SH2D4B: variants seen among roughly 807,000 people sequenced by gnomAD.
The protein encoded by SH2D4B is SH2 domain-containing protein 4B.
SH2D4B carries 45 observed loss-of-function variants against 61.5 expected under a neutral mutation model. The ratio of observed to expected loss-of-function variants is 0.73; its 90% CI spans 0.58 to 0.94. The LOEUF is 0.94. SH2D4B is among the 40% of genes least tolerant of loss of function. The pLI is 0.00. For synonymous variants in SH2D4B, 224 were observed against 220.4 expected (o/e 1.02, Z -0.14); for missense variants, 572 against 574.2 (o/e 1.00, Z 0.04).
intron 3 of SH2D4B, among the ~76,000 whole-genome samples, chr10:80,579,767 G>A (rs1003713289): frequency 7.9e-5 from 12 of 151,688 alleles, no homozygotes; most frequent in African/African-American, 2.9e-4. Flanking sequence ...CTTTAGAAAC[G>A]ATTACTGCTT....
At chr10:80,628,922 C>T (rs373822569) in intron 6 of SH2D4B, among the ~76,000 whole-genome samples, 5 of 151,598 alleles carry the variant, frequency 3.3e-5, no homozygotes, top group Admixed American at 2.0e-4. Flanking sequence ...CCCAGCTACT[C>T]AGGAGCCTGA....
At chr10:80,588,559 G>A in intron 3 of SH2D4B, 71 bp from the exon 4 acceptor site, 3 of 1,581,294 alleles carry the variant, frequency 1.9e-6, no homozygotes, top group Non-Finnish European at 2.6e-6. Flanking sequence ...CAGAATCCCA[G>A]AGATATTTCT....
At chr10:80,558,868 C>T (rs938169276) in intron 1 of SH2D4B, among the ~76,000 whole-genome samples, 11 of 152,142 alleles carry the variant, frequency 7.2e-5, no homozygotes, top group Non-Finnish European at 1.3e-4. Flanking sequence ...TATGTGCAAC[C>T]ATTTGTTGCT....
intron 3 of SH2D4B, among the ~76,000 whole-genome samples, chr10:80,574,222 T>C (rs1001064390): frequency 1.3e-5 from 2 of 152,190 alleles, no homozygotes; most frequent in East Asian, 1.9e-4. Flanking sequence ...CTGTAACCCC[T>C]GTCTCCTGGG....
intron 6 of SH2D4B, among the ~76,000 whole-genome samples, chr10:80,622,547 A>G (rs920804935): frequency 6.6e-6 from 1 of 152,080 alleles, no homozygotes; most frequent in Admixed American, 6.5e-5. Flanking sequence ...CCATGGGTCT[A>G]TACTTTCTCT....
At chr10:80,609,013 C>T (rs1258257264) in intron 5 of SH2D4B, among the ~76,000 whole-genome samples, 1 of 152,144 alleles carries the variant, frequency 6.6e-6, no homozygotes, top group Admixed American at 6.5e-5. Flanking sequence ...TCAGGAGCCT[C>T]CTTCATCCAT....
chr10:80,571,787 T>G (rs1293449366), intron 3 of SH2D4B, among the ~76,000 whole-genome samples: 20 of 150,736 alleles, frequency 1.3e-4, no homozygotes, highest in Admixed American at 4.6e-4. Context: ...TTTTTTTTTT[T>G]TTTTGAGACG....
At chr10:80,593,297 A>C (rs7901404) in intron 4 of SH2D4B, among the ~76,000 whole-genome samples, 16,743 of 152,220 alleles carry the variant, frequency 0.11, 1,082 homozygotes, top group African/African-American at 0.16. Flanking sequence ...GAATATTGCT[A>C]TCTTAACAAT....
chr10:80,584,961 G>C (rs1842226377), intron 3 of SH2D4B, among the ~76,000 whole-genome samples: 1 of 152,202 alleles, frequency 6.6e-6, no homozygotes, highest in Non-Finnish European at 1.5e-5. Context: ...TGGCCTCCAG[G>C]CATTGGTTTA....
chr10:80,576,228 G>A (rs1398267606), intron 3 of SH2D4B, among the ~76,000 whole-genome samples: 1 of 152,180 alleles, frequency 6.6e-6, no homozygotes, highest in Non-Finnish European at 1.5e-5. Context: ...GGCTCATGAA[G>A]GATCACTAGG....
chr10:80,629,706 A>T (rs1842808657), intron 6 of SH2D4B, among the ~76,000 whole-genome samples: 1 of 152,208 alleles, frequency 6.6e-6, no homozygotes, highest in African/African-American at 2.4e-5. Flanking sequence ...TTAGATATTT[A>T]TTGTGATTTT....
At chr10:80,642,618 C>T (rs945083938) in intron 7 of SH2D4B, among the ~76,000 whole-genome samples, 1 of 152,178 alleles carries the variant, frequency 6.6e-6, no homozygotes, top group Non-Finnish European at 1.5e-5. Flanking sequence ...CTTGTAAATG[C>T]CATGTGGAAT....
rs772363476 is a variant in SH2D4B, at chr10:80,609,515, G to T, written c.952G>T (p.Glu318Ter). ...EEQLPRRAGFERNTKFIAPWF... is the reference protein window; with the variant it reads ...EEQLPRRAGF ...GCAGCTGCCTCGCCGAGCTGGCTTC[G>T]AGAGGAACACCAAGTTCATCGCCCC... is the stretch of plus-strand genomic sequence containing the variant. Residue 318 changes from glutamate to a stop codon, truncating the protein, a stop_gained, in exon 6 of 8, where the codon GAG (glutamate) becomes TAG (stop). Coordinates refer to ENST00000646907, the MANE Select transcript of SH2D4B (RefSeq NM_001388272.1). LOFTEE classifies it high-confidence loss of function. 5 of 1,614,196 alleles carry T rather than the reference G, an allele frequency of 3.1e-6. No individual in the cohort carries two copies. The highest frequency in any genetic ancestry group is 2.7e-5 in the African/African-American group (2 of 75,036).
intron 5 of SH2D4B, among the ~76,000 whole-genome samples, chr10:80,609,137 C>T (rs1050518938): frequency 8.5e-5 from 13 of 152,134 alleles, no homozygotes; most frequent in African/African-American, 2.7e-4. Context: ...TTGAAGCAAT[C>T]GGTAACAGTT....
intron 1 of SH2D4B, among the ~76,000 whole-genome samples, chr10:80,550,426 T>C (rs1841743364): frequency 6.6e-6 from 1 of 152,104 alleles, no homozygotes; most frequent in South Asian, 2.1e-4. Flanking sequence ...ACCCCATCTC[T>C]ACTAAAAGTA....
chr10:80,585,326 CT>C (rs35967768), intron 3 of SH2D4B, among the ~76,000 whole-genome samples: 224 of 142,222 alleles, frequency 1.6e-3, no homozygotes, highest in Non-Finnish European at 1.9e-3. Flanking sequence ...TCCTCTTTTT[CT>C]TTTTTTTTTT....
At chr10:80,638,655 C>T (rs568778495) in intron 7 of SH2D4B, among the ~76,000 whole-genome samples, 13 of 152,108 alleles carry the variant, frequency 8.5e-5, no homozygotes, top group African/African-American at 2.7e-4. Context: ...TTTTTTATTG[C>T]GTCTATTTGA....
intron 5 of SH2D4B, 116 bp from the exon 6 acceptor site, chr10:80,609,308 C>A: frequency 1.5e-5 from 10 of 678,600 alleles, no homozygotes; most frequent in East Asian, 5.1e-5. Context: ...ACCCCCCCTT[C>A]CTCCTCCTCC....
rs1396150763 is a variant in SH2D4B at position 80,634,252 on chromosome 10, T to G, written c.989-33T>G. The G allele has an allele frequency of 8.8e-6, 13 of 1,480,952 alleles. No homozygotes were observed. The Admixed American group carries it at 2.7e-4, about 31-fold the overall frequency. The allele number at this position is 1,480,952 out of a possible 1,614,324, so 91.7% of individuals were successfully genotyped here. A position where few individuals can be genotyped will look rare whatever the true frequency, so the allele number is the denominator to read the frequency against. Reference sequence around the variant, plus strand: ...TGGGGGAGGCAGTCGCAGAACCTGCTGTGTTTTTTTGTTTTTTTCTATTTT... The same window carrying G: ...TGGGGGAGGCAGTCGCAGAACCTGCGGTGTTTTTTTGTTTTTTTCTATTTT... On this transcript the variant is annotated intron_variant, in intron 6 of 7. Coordinates refer to ENST00000646907, the MANE Select transcript of SH2D4B (RefSeq NM_001388272.1).
Sources: allele counts gnomAD v4.1 joint callset (sites outside exome capture counted in the v4.1 genomes callset), GRCh38; gene constraint gnomAD v4.1.1; transcripts MANE v1.5; gene names NCBI Gene and HGNC (gene_info 2026-07-23, HGNC 2026-07-21).